Variants in NCAM2 observed in about 807,000 individuals in gnomAD.
NCAM2 encodes N-CAM-2.
Under a neutral mutation model 98.1 loss-of-function variants are expected in NCAM2, and 30 were observed. That is an observed-to-expected ratio of 0.31 (90% CI 0.23 to 0.41). NCAM2 has a LOEUF of 0.41. Among genes scored for constraint, NCAM2 ranks in the 10% least tolerant of loss-of-function variants. The probability of loss-of-function intolerance (pLI) is 1.00; values close to 1 mark genes in which losing one functional copy is unlikely to be tolerated. For synonymous variants in NCAM2, 368 were observed against 342.4 expected (o/e 1.07, Z -0.83); for missense variants, 867 against 1,005.8 (o/e 0.86, Z 1.87).
intron 1 of NCAM2, among the ~76,000 whole-genome samples, chr21:21,254,071 A>G (rs1452452213): frequency 1.3e-5 from 2 of 152,232 alleles, no homozygotes; most frequent in East Asian, 1.9e-4. Flanking sequence ...ATAAAGTACC[A>G]AAACAAGGGT....
chr21:21,427,821 T>C (rs2146003228), intron 11 of NCAM2, among the ~76,000 whole-genome samples: 2 of 152,254 alleles, frequency 1.3e-5, no homozygotes, highest in African/African-American at 4.8e-5. Flanking sequence ...TACATGTCAA[T>C]GGATACAAAA....
intron 1 of NCAM2, among the ~76,000 whole-genome samples, chr21:21,226,415 A>G (rs938257127): frequency 6.6e-6 from 1 of 152,112 alleles, no homozygotes; most frequent in African/African-American, 2.4e-5. Flanking sequence ...ATTACCTCAG[A>G]TTTAATTTTG....
At chr21:21,008,979 A>C (rs1217041435) in intron 1 of NCAM2, among the ~76,000 whole-genome samples, 1 of 152,198 alleles carries the variant, frequency 6.6e-6, no homozygotes, top group Admixed American at 6.5e-5. Flanking sequence ...TGAATTCTGC[A>C]CTTCAAACTT....
chr21:21,444,023 T>G (rs1979709759), intron 12 of NCAM2, among the ~76,000 whole-genome samples: 1 of 152,136 alleles, frequency 6.6e-6, no homozygotes, highest in Non-Finnish European at 1.5e-5. Flanking sequence ...CATCAATACC[T>G]AGCATTTTTA....
At chr21:21,069,665 C>T (rs1326497768) in intron 1 of NCAM2, among the ~76,000 whole-genome samples, 1 of 151,462 alleles carries the variant, frequency 6.6e-6, no homozygotes, top group Non-Finnish European at 1.5e-5. Flanking sequence ...TAGGTTAATA[C>T]CATGATGCCT....
At chr21:21,102,257 A>G (rs1293641753) in intron 1 of NCAM2, among the ~76,000 whole-genome samples, 1 of 152,072 alleles carries the variant, frequency 6.6e-6, no homozygotes, top group African/African-American at 2.4e-5. Context: ...ATCACTGCAT[A>G]TATTTGTATT....
chr21:21,454,048 G>A (rs1030691742), intron 12 of NCAM2, among the ~76,000 whole-genome samples: 1 of 151,898 alleles, frequency 6.6e-6, no homozygotes, highest in Non-Finnish European at 1.5e-5. Context: ...TACATATTGT[G>A]GAAATTAATT....
intron 1 of NCAM2, among the ~76,000 whole-genome samples, chr21:21,193,164 T>G (rs904415435): frequency 1.7e-4 from 26 of 152,208 alleles, no homozygotes; most frequent in Non-Finnish European, 1.3e-4. Flanking sequence ...TAAAGCTCTC[T>G]GTGTCTATCA....
At chr21:21,394,722 C>T (rs1019611632) in intron 9 of NCAM2, among the ~76,000 whole-genome samples, 6 of 151,690 alleles carry the variant, frequency 4.0e-5, no homozygotes, top group African/African-American at 1.2e-4. Flanking sequence ...CTCCTGACCT[C>T]GTGATCCTCC....
At chr21:21,230,212 TTACTC>T (rs1205821793) in intron 1 of NCAM2, among the ~76,000 whole-genome samples, 1 of 151,258 alleles carries the variant, frequency 6.6e-6, no homozygotes, top group African/African-American at 2.4e-5. Flanking sequence ...TTATTTTTAA[TTACTC>T]TATAATGTAT....
At chr21:21,280,829 T>A (rs1369713130) in intron 2 of NCAM2, among the ~76,000 whole-genome samples, 177 bp downstream of exon 2, 1 of 152,188 alleles carries the variant, frequency 6.6e-6, no homozygotes, top group Non-Finnish European at 1.5e-5. Flanking sequence ...TCTCCCAGAC[T>A]GGAGGGCGGT....
chr21:21,092,615 T>A lies in NCAM2; in HGVS notation c.55+93997T>A, dbSNP rs550350162. Among the ~76,000 whole-genome samples, 189 of 151,914 alleles carry A rather than the reference T, an allele frequency of 1.2e-3. 1 individual carries two copies. The highest frequency in any genetic ancestry group is 4.5e-3 in the African/African-American group (187 of 41,492). ...AATATTATGTCAACTGAATATCAAA[T>A]TGTTGACAAAATATTTCTAAGTGGA... is the stretch of plus-strand genomic sequence containing the variant. On this transcript the variant is annotated intron_variant, in intron 1 of 17. Coordinates refer to ENST00000400546, the MANE Select transcript of NCAM2 (RefSeq NM_004540.5).
chr21:21,439,716 A>G (rs1307069302), intron 12 of NCAM2, among the ~76,000 whole-genome samples: 1 of 152,224 alleles, frequency 6.6e-6, no homozygotes, highest in Non-Finnish European at 1.5e-5. Flanking sequence ...AGTACCAGCA[A>G]TAAATATAGC....
chr21:21,527,057 G>A (rs1433725054), intron 16 of NCAM2, among the ~76,000 whole-genome samples: 1 of 151,768 alleles, frequency 6.6e-6, no homozygotes, highest in Non-Finnish European at 1.5e-5. Context: ...AGATGACCTT[G>A]GTTTTGGTAG....
intron 1 of NCAM2, among the ~76,000 whole-genome samples, chr21:21,168,337 C>T (rs2146826482): frequency 6.6e-6 from 1 of 152,218 alleles, no homozygotes; most frequent in Admixed American, 6.5e-5. Context: ...CTACAGCTAA[C>T]ACCATACTTG....
chr21:21,421,010 T>C (rs1442102355), intron 11 of NCAM2, among the ~76,000 whole-genome samples: 2 of 151,626 alleles, frequency 1.3e-5, no homozygotes, highest in African/African-American at 2.4e-5. Flanking sequence ...ATTTTATAAA[T>C]AATTAGATAT....
chr21:21,226,252 G>A (rs554846499), intron 1 of NCAM2, among the ~76,000 whole-genome samples: 12 of 151,814 alleles, frequency 7.9e-5, no homozygotes, highest in African/African-American at 2.9e-4. Flanking sequence ...ACAAACCTCA[G>A]CATCCTACAA....
At chr21:21,061,952 C>T (rs943773030) in intron 1 of NCAM2, among the ~76,000 whole-genome samples, 17 of 151,924 alleles carry the variant, frequency 1.1e-4, no homozygotes, top group African/African-American at 3.4e-4. Flanking sequence ...GGAAAGCAGC[C>T]GTAATGGAGA....
chr21:21,515,099 A>G (rs570995617), intron 16 of NCAM2, among the ~76,000 whole-genome samples: 2 of 152,324 alleles, frequency 1.3e-5, no homozygotes, highest in African/African-American at 4.8e-5. Context: ...TTGAAAGACA[A>G]TCAATATCTT....
Sources: allele counts gnomAD v4.1 joint callset (sites outside exome capture counted in the v4.1 genomes callset), GRCh38; gene constraint gnomAD v4.1.1; transcripts MANE v1.5; gene names NCBI Gene and HGNC (gene_info 2026-07-23, HGNC 2026-07-21).